The following ADGRE3 variants were observed in gnomAD, a reference collection of about 807,000 sequenced individuals.
ADGRE3 encodes EGF-like module receptor 3.
In ADGRE3, 88 loss-of-function variants were observed where a neutral mutation model predicts 80.1. That is an observed-to-expected ratio of 1.10 (90% confidence interval 0.93 to 1.31). ADGRE3 has a LOEUF of 1.31. Ranked by LOEUF, ADGRE3 falls within the 40% of genes most tolerant of loss-of-function variation. ADGRE3 has a pLI of 0.00. For synonymous variants in ADGRE3, 281 were observed against 294.8 expected, an observed-to-expected ratio of 0.95 and a Z score of 0.48; for missense variants, 715 against 776.5, an observed-to-expected ratio of 0.92 and a Z score of 0.94.
intron 9 of ADGRE3, 96 bp downstream of exon 9, chr19:14,644,012 T>G: frequency 1.2e-6 from 1 of 809,026 alleles, no homozygotes; most frequent in Non-Finnish European, 1.6e-6. Flanking sequence ...TGCTCGGCCT[T>G]TTTTCAGTTT....
the ADGRE3 span, among the ~76,000 whole-genome samples, chr19:14,609,865 C>A: frequency 2.7e-4 from 41 of 151,086 alleles, no homozygotes; most frequent in Admixed American, 1.3e-3. Flanking sequence ...AAACAAAAAA[C>A]CCCCCAAAAC....
At chr19:14,654,898 T>G in intron 6 of ADGRE3, 84 bp downstream of exon 6, 1 of 1,079,484 alleles carries the variant, frequency 9.3e-7, no homozygotes, top group Non-Finnish European at 1.3e-6. Flanking sequence ...TGTGGTGTAT[T>G]CAATTTTTTT....
chr19:14,630,710 A>C (rs1285562746), intron 13 of ADGRE3, among the ~76,000 whole-genome samples: 2 of 152,010 alleles, frequency 1.3e-5, no homozygotes. Context: ...CACTGCACCC[A>C]GCCTCAGTTC....
chr19:14,641,104 T>G (rs577361299), intron 10 of ADGRE3, among the ~76,000 whole-genome samples: 26 of 152,342 alleles, frequency 1.7e-4, no homozygotes, highest in Non-Finnish European at 2.9e-4. Context: ...TCTTTTTCCC[T>G]TCTTCAAAAA....
chr19:14,620,545 AT>A (rs1970550434), intron 15 of ADGRE3, among the ~76,000 whole-genome samples: 2 of 15,798 alleles, frequency 1.3e-4, no homozygotes, highest in African/African-American at 7.7e-4. Context: ...TTTTATATAT[AT>A]ATTATATATA....
In ADGRE3 at chr19:14,630,327, C is replaced by T. The variant is rs2146812615; in HGVS notation, c.1644-120G>A. On this transcript the variant is annotated intron_variant, in intron 13 of 15. Transcript: ENST00000253673. ...TAGACTACCTGAGTTTAAATGGAAG[C>T]CAGCACTGGCTACCTGTGTGATCTT... 5.9e-6 allele frequency: 4 copies of T among 676,644 alleles called. No homozygotes were observed. The South Asian group carries it at 1.4e-4, about 25-fold the overall frequency. 41.9% of individuals were successfully genotyped at this position (676,644 alleles called of 1,614,324 possible).
In ADGRE3 at chr19:14,642,288, G is replaced by T. The variant is rs1181860904; in HGVS notation, c.1051-672C>A. On this transcript the variant is annotated intron_variant, in intron 9 of 15. Coordinates refer to ENST00000253673, the MANE Select transcript of ADGRE3 (RefSeq NM_032571.5). ...ATGCTTTGGGAAGCTGAGGTGGGAG[G>T]ATTGCTGGAGGCCAGGAGTTCAAGA... Among the ~76,000 whole-genome samples, 4 of 152,110 alleles carry T rather than the reference G, an allele frequency of 2.6e-5. No individual in the cohort carries two copies. The East Asian group carries it at 5.8e-4, about 22-fold the overall frequency.
Position 14,665,936 on chromosome 19 carries a change from G to GTATATATATGCATA in ADGRE3, c.77-2397_77-2396insTATGCATATATATA, listed in dbSNP as rs71166783. Reference sequence around the variant, plus strand: ...ATATATTGCATATACACACATATGTGTATATATATATATATATATATATAT... The same window carrying GTATATATATGCATA: ...ATATATTGCATATACACACATATGTGTATATATATGCATATATATATATATATATATATATATAT... On this transcript the variant is annotated intron_variant, in intron 2 of 15. Transcript: ENST00000253673. Among the ~76,000 whole-genome samples, 145 of 42,100 alleles carry GTATATATATGCATA rather than the reference G, an allele frequency of 3.4e-3. 10 individuals are homozygous for GTATATATATGCATA. The highest frequency in any genetic ancestry group is 0.016 in the African/African-American group (139 of 8,720). The allele number at this position is 42,100 out of a possible 152,430, so 27.6% of individuals were successfully genotyped here. A position where few individuals can be genotyped will look rare whatever the true frequency, so the allele number is the denominator to read the frequency against.
chr19:14,640,416 A>AT (rs538300176), intron 10 of ADGRE3, among the ~76,000 whole-genome samples: 1,560 of 152,070 alleles, frequency 0.01, 17 homozygotes, highest in Non-Finnish European at 0.016. Context: ...CAGCCTCCCA[A>AT]GTAGCTGGGA....
chr19:14,645,594 G>C (rs762176032), intron 8 of ADGRE3, among the ~76,000 whole-genome samples: 1 of 151,968 alleles, frequency 6.6e-6, no homozygotes, highest in Non-Finnish European at 1.5e-5. Context: ...GGGAGGCGGA[G>C]GTTGCAGTGA....
intron 1 of ADGRE3, among the ~76,000 whole-genome samples, chr19:14,671,025 A>G (rs1382109434): frequency 6.6e-6 from 1 of 152,064 alleles, no homozygotes; most frequent in Non-Finnish European, 1.5e-5. Context: ...TCCCGTAGAG[A>G]GTGGTATGTG....
At chr19:14,647,139 C>G in intron 8 of ADGRE3, 42 bp downstream of exon 8, 1 of 1,560,780 alleles carries the variant, frequency 6.4e-7, no homozygotes, top group Non-Finnish European at 8.8e-7. Context: ...TTTGGCCTGC[C>G]TCCTTGAGAA....
intron 4 of ADGRE3, 136 bp from the exon 5 acceptor site, chr19:14,658,686 C>T (rs8100314): frequency 0.31 from 128,525 of 413,756 alleles, 20,971 homozygotes; most frequent in African/African-American, 0.46. Flanking sequence ...TCTTTATCTG[C>T]TGTTTGTTGA....
rs771516221 is a variant in ADGRE3 at position 14,655,070 on chromosome 19, A to G, written c.489T>C (p.Thr163=). 2.5e-6 allele frequency: 4 copies of G among 1,613,854 alleles called. No homozygotes were observed. The East Asian group carries it at 6.7e-5, about 27-fold the overall frequency. ...GRQEISSTAT[T]ILRDVESKVL... ...CTTTCGATTCCACATCCCGGAGAAT[A>G]GTGGTAGCTGTGGATGAGATTTCTT... The change falls in exon 6 of 16, where the codon ACT becomes ACC. Residue 163 remains threonine (T), a synonymous_variant. Coordinates refer to ENST00000253673, the MANE Select transcript of ADGRE3 (RefSeq NM_032571.5).
chr19:14,639,280 C>T (rs980707513), intron 10 of ADGRE3, among the ~76,000 whole-genome samples: 6 of 152,206 alleles, frequency 3.9e-5, no homozygotes, highest in African/African-American at 1.4e-4. Context: ...TTGGTCATTT[C>T]ATAATGTGTA....
chr19:14,658,597 C>A (rs780416833), intron 4 of ADGRE3, 47 bp from the exon 5 acceptor site: 7 of 1,466,012 alleles, frequency 4.8e-6, no homozygotes, highest in Non-Finnish European at 6.4e-6. Context: ...TGAGAGTGAC[C>A]AGGCAGAGGG....
Position 14,620,547 on chromosome 19 carries a change from A to T in ADGRE3, c.1921-1076T>A, listed in dbSNP as rs1184546376. Among the ~76,000 whole-genome samples, 19 of 13,938 alleles carry T rather than the reference A, an allele frequency of 1.4e-3. 1 individual carries two copies. The highest frequency in any genetic ancestry group is 3.9e-3 in the Admixed American group (3 of 778). 9.1% of individuals were successfully genotyped at this position (13,938 alleles called of 152,430 possible). A position where few individuals can be genotyped will look rare whatever the true frequency, so the allele number is the denominator to read the frequency against. On this transcript the variant is annotated intron_variant, in intron 15 of 15. Coordinates refer to ENST00000253673, the MANE Select transcript of ADGRE3 (RefSeq NM_032571.5). ...ATGAATATATATATTTTATATATAT[A>T]TTATATATATATATATATATATTTT...
At chr19:14,609,786 C>T in the ADGRE3 span, among the ~76,000 whole-genome samples, 2 of 151,642 alleles carry the variant, frequency 1.3e-5, no homozygotes, top group East Asian at 1.9e-4. Flanking sequence ...TGCAGTGAGC[C>T]GAGATCACGC....
intron 10 of ADGRE3, 98 bp from the exon 11 acceptor site, chr19:14,638,438 A>G (rs1284778740): frequency 2.4e-6 from 2 of 822,428 alleles, no homozygotes; most frequent in Non-Finnish European, 4.0e-6. Context: ...AGCACCTGAC[A>G]TCAGACCAAG....
Sources: gnomAD v4.1 joint callset for allele counts (sites outside exome capture counted in the v4.1 genomes callset) on GRCh38, gnomAD v4.1.1 for gene constraint, MANE v1.5 for transcripts, NCBI Gene and HGNC (gene_info 2026-07-23, HGNC 2026-07-21) for gene names.